SATL1: variants seen among roughly 807,000 people sequenced by gnomAD.
SATL1 encodes spermidine/spermine N(1)-acetyltransferase-like protein 1.
In SATL1, 47 loss-of-function variants were observed where a neutral mutation model predicts 51.8. The observed-to-expected ratio is 0.91, with a 90% CI of 0.72 to 1.16. SATL1 has a LOEUF of 1.16. SATL1 is among the 50% of genes most tolerant of loss of function. SATL1 has a pLI of 0.00. For missense variants in SATL1, 520 were observed against 526.4 expected (o/e 0.99, Z 0.12); for synonymous variants, 176 against 182.4 (o/e 0.97, Z 0.28).
At chrX:85,212,627 TTGAG>T (rs976335378) in intron 2 of SATL1, 4 of 111,677 alleles carry the variant, frequency 3.6e-5, no homozygotes, top group African/African-American at 1.3e-4. Flanking sequence ...CACTTTATGA[TTGAG>T]TTTTTAAAGT....
At chrX:85,222,424 G>A (rs1569250083) in intron 2 of SATL1, among the ~76,000 whole-genome samples, 1 of 111,355 alleles carries the variant, frequency 9.0e-6, no homozygotes, top group Admixed American at 9.5e-5. Flanking sequence ...TGCACTCCAG[G>A]GAACAAATCT....
chrX:85,148,042 T>C (rs2147718650), intron 2 of SATL1, among the ~76,000 whole-genome samples: 1 of 111,428 alleles, frequency 9.0e-6, no homozygotes, highest in East Asian at 2.8e-4. Context: ...CAGGAGGAAA[T>C]TCAAACCAAA....
At chrX:85,133,445 G>C (rs1243834239) in intron 2 of SATL1, among the ~76,000 whole-genome samples, 1 of 112,299 alleles carries the variant, frequency 8.9e-6, no homozygotes, top group African/African-American at 3.2e-5. Flanking sequence ...ATGGGTGTGG[G>C]ACCCGCTGAG....
In SATL1 at chrX:85,197,674, A is replaced by C. The variant is rs372452065; in HGVS notation, c.-313+26531T>G. Among the ~76,000 whole-genome samples, 11 of 87,566 alleles carry C rather than the reference A, an allele frequency of 1.3e-4. No homozygotes were observed. The East Asian group carries it at 3.7e-3, about 29-fold the overall frequency. 76.0% of individuals were successfully genotyped at this position (87,566 alleles called of 115,157 possible). ...CCCCACACCCCACAACAGTCCCCAG[A>C]GTGTGATGTTCCCCTTCCTGTGTCC... is the stretch of plus-strand genomic sequence containing the variant. On this transcript the variant is annotated intron_variant, in intron 2 of 7. Transcript: ENST00000644105.
chrX:85,095,109 C>T (rs182322963), intron 4 of SATL1, 113 bp from the exon 5 acceptor site: 24 of 479,003 alleles, frequency 5.0e-5, no homozygotes, highest in South Asian at 4.1e-4. Flanking sequence ...ATTGTATTGG[C>T]GGAAACTGAA....
At position 85,242,272 on chromosome X, in the gene SATL1, G is replaced by T. The variant is rs920683012; in HGVS notation, c.-435+1316C>A. 2.7e-5 allele frequency among the ~76,000 whole-genome samples: 3 copies of T among 112,041 alleles called. No homozygotes were observed. In the East Asian group the frequency reaches 8.4e-4, roughly 31 times the overall value. The stretch of plus-strand genomic sequence containing the variant: ...TGGGACAAGACCATAAGTAGTATTT[G>T]CCAGACTATCCAACATAGAAAAATG... On this transcript the variant is annotated intron_variant, in intron 1 of 7. Coordinates refer to ENST00000644105, the MANE Select transcript of SATL1 (RefSeq NM_001367857.2).
At chrX:85,177,125 G>T (rs1927097017) in intron 2 of SATL1, among the ~76,000 whole-genome samples, 2 of 111,629 alleles carry the variant, frequency 1.8e-5, no homozygotes, top group Non-Finnish European at 3.8e-5. Flanking sequence ...TCTCTAAACA[G>T]AGTTGAAGAG....
intron 2 of SATL1, among the ~76,000 whole-genome samples, chrX:85,187,910 C>A (rs866006883): frequency 1.7e-4 from 19 of 110,318 alleles, no homozygotes; most frequent in African/African-American, 6.3e-4. Context: ...TCATTAATTT[C>A]TCTTTAATGT....
intron 2 of SATL1, among the ~76,000 whole-genome samples, chrX:85,143,686 A>T (rs1926160776): frequency 9.0e-6 from 1 of 111,321 alleles, no homozygotes; most frequent in African/African-American, 3.3e-5. Flanking sequence ...TTAAAAGGTG[A>T]TTATTTTTAG....
chrX:85,203,049 G>C (rs1927719189), intron 2 of SATL1, among the ~76,000 whole-genome samples: 2 of 111,606 alleles, frequency 1.8e-5, no homozygotes, highest in Admixed American at 1.9e-4. Context: ...CCACGTAACA[G>C]TCTGGCCACC....
rs1320320995 is a variant in SATL1 at position 85,202,739 on chromosome X, T to C, written c.-313+21466A>G. Among the ~76,000 whole-genome samples, 3 of 112,174 alleles carry C rather than the reference T, an allele frequency of 2.7e-5. No individual in the cohort carries two copies. In the Admixed American group the frequency reaches 2.8e-4, roughly 11 times the overall value. On this transcript the variant is annotated intron_variant, in intron 2 of 7. Coordinates refer to ENST00000644105, the MANE Select transcript of SATL1 (RefSeq NM_001367857.2). ...GGGCCCAAGCCAGGCATTCCCTTTC[T>C]GGTGATGAGCCATGGAGGGTATGCG...
At chrX:85,164,054 T>G (rs2147730141) in intron 2 of SATL1, among the ~76,000 whole-genome samples, 1 of 112,149 alleles carries the variant, frequency 8.9e-6, no homozygotes, top group African/African-American at 3.2e-5. Flanking sequence ...TTAAAGTTTG[T>G]TTTGTCTGAT....
intron 2 of SATL1, among the ~76,000 whole-genome samples, chrX:85,165,761 C>T (rs1926821299): frequency 9.0e-6 from 1 of 111,239 alleles, no homozygotes; most frequent in East Asian, 2.8e-4. Flanking sequence ...GTGCTATCCC[C>T]CATTGAAAAA....
At chrX:85,112,997 G>A (rs1925295065) in intron 2 of SATL1, among the ~76,000 whole-genome samples, 1 of 111,351 alleles carries the variant, frequency 9.0e-6, no homozygotes, top group Non-Finnish European at 1.9e-5. Context: ...TTCTGTAACT[G>A]CTTCCTTTTT....
intron 2 of SATL1, among the ~76,000 whole-genome samples, chrX:85,130,402 C>A (rs1034973486): frequency 9.0e-6 from 1 of 111,622 alleles, no homozygotes; most frequent in Non-Finnish European, 1.9e-5. Context: ...GGAATTTATC[C>A]ATTTCTTCTA....
At chrX:85,234,898 T>C (rs1156694449) in intron 1 of SATL1, among the ~76,000 whole-genome samples, 2 of 110,659 alleles carry the variant, frequency 1.8e-5, no homozygotes, top group East Asian at 5.7e-4. Flanking sequence ...CTTAACTCTC[T>C]AATCAAAAGA....
intron 2 of SATL1, among the ~76,000 whole-genome samples, chrX:85,174,992 A>G (rs1927055500): frequency 8.9e-6 from 1 of 111,782 alleles, no homozygotes; most frequent in African/African-American, 3.2e-5. Context: ...AATTTAGTAC[A>G]CTGTAAGTGT....
Position 85,152,061 on chromosome X carries a change from T to G in SATL1, c.-312-42781A>C, listed in dbSNP as rs1926458350. ...AAAATGGGAGAAAATTTTCGCAACC[T>G]ACTCATCTGACAAAGGGCTAATATC... On this transcript the variant is annotated intron_variant, in intron 2 of 7. Transcript: ENST00000644105. Among the ~76,000 whole-genome samples, 3 of 110,199 alleles carry G rather than the reference T, an allele frequency of 2.7e-5. No individual in the cohort carries two copies. In the Admixed American group the frequency reaches 2.9e-4, roughly 11 times the overall value.
intron 2 of SATL1, among the ~76,000 whole-genome samples, chrX:85,163,311 T>C (rs1463370089): frequency 9.0e-6 from 1 of 110,633 alleles, no homozygotes; most frequent in Non-Finnish European, 1.9e-5. Context: ...TGGGTTTGGG[T>C]GTAATTTATT....
Sources: gnomAD v4.1 joint callset for allele counts (sites outside exome capture counted in the v4.1 genomes callset) on GRCh38, gnomAD v4.1.1 for gene constraint, MANE v1.5 for transcripts, NCBI Gene and HGNC (gene_info 2026-07-23, HGNC 2026-07-21) for gene names.